The following SNX18 variants were observed in gnomAD, a reference collection of about 807,000 sequenced individuals.
SNX18 encodes the protein sorting nexin-18.
In SNX18, 35 loss-of-function variants were observed where a neutral mutation model predicts 48.7. The ratio of observed to expected loss-of-function variants is 0.72; its 90% confidence interval spans 0.55 to 0.95. SNX18 has a LOEUF of 0.95. Ranked by LOEUF, SNX18 falls within the 40% of genes least tolerant of loss-of-function variation. SNX18 has a pLI of 0.00. For missense variants in SNX18, 824 were observed against 871.0 expected (o/e 0.95, Z 0.68); for synonymous variants, 492 against 384.7 (o/e 1.28, Z -3.26).
chr5:54,614,047 T>C, the SNX18 span, among the ~76,000 whole-genome samples: 5 of 152,202 alleles, frequency 3.3e-5, no homozygotes, highest in Non-Finnish European at 5.9e-5. Flanking sequence ...GATAAGAATA[T>C]GGTTGGGATA....
At chr5:54,589,019 C>T in the SNX18 span, among the ~76,000 whole-genome samples, 77,987 of 151,890 alleles carry the variant, frequency 0.51, 20,092 homozygotes, top group East Asian at 0.61. Context: ...TGTCTTTAAA[C>T]CACTATGATT....
the SNX18 span, among the ~76,000 whole-genome samples, chr5:54,561,549 A>T: frequency 2.1e-5 from 3 of 143,486 alleles, no homozygotes; most frequent in African/African-American, 7.9e-5. Flanking sequence ...CATGTTAGCC[A>T]GGCTGGTCTA....
At chr5:54,621,703 A>G in the SNX18 span, among the ~76,000 whole-genome samples, 53 of 152,322 alleles carry the variant, frequency 3.5e-4, no homozygotes, top group South Asian at 4.1e-4. Context: ...TCACTCAGGT[A>G]TCAGAGAAGG....
the SNX18 span, among the ~76,000 whole-genome samples, chr5:54,633,584 A>G: frequency 6.6e-6 from 1 of 152,332 alleles, no homozygotes; most frequent in South Asian, 2.1e-4. Flanking sequence ...CCTGTGTCTC[A>G]GTTTCTCCAT....
At chr5:54,587,560 G>A in the SNX18 span, among the ~76,000 whole-genome samples, 2 of 152,206 alleles carry the variant, frequency 1.3e-5, no homozygotes, top group East Asian at 3.9e-4. Context: ...TCTCTCCGTG[G>A]TGCCCAATTA....
chr5:54,538,384 G>A (rs2111584184), intron 1 of SNX18, among the ~76,000 whole-genome samples: 1 of 152,282 alleles, frequency 6.6e-6, no homozygotes, highest in Admixed American at 6.5e-5. Flanking sequence ...GTCCCCAAGT[G>A]TTAAACACTC....
At chr5:54,601,750 C>T in the SNX18 span, among the ~76,000 whole-genome samples, 1 of 152,150 alleles carries the variant, frequency 6.6e-6, no homozygotes, top group Non-Finnish European at 1.5e-5. Flanking sequence ...TTCTCTCTTA[C>T]TCTACTCAGT....
the SNX18 span, among the ~76,000 whole-genome samples, chr5:54,635,955 T>A: frequency 6.6e-6 from 1 of 152,164 alleles, no homozygotes; most frequent in Non-Finnish European, 1.5e-5. Context: ...CCTGAGCTCA[T>A]CAGGAGTGAC....
the SNX18 span, among the ~76,000 whole-genome samples, chr5:54,574,632 G>T: frequency 6.6e-6 from 1 of 152,188 alleles, no homozygotes; most frequent in Admixed American, 6.5e-5. Context: ...CAAACCACAA[G>T]TGACTTGAAC....
downstream of SNX18, among the ~76,000 whole-genome samples, chr5:54,551,287 A>G (rs1375033679): frequency 3.3e-5 from 5 of 152,206 alleles, no homozygotes; most frequent in Non-Finnish European, 1.5e-5. Flanking sequence ...AGAATGTGTA[A>G]TGTAGGCAGT....
chr5:54,543,884 CG>C lies in SNX18; in HGVS notation c.*453del, dbSNP rs1561123175. 1 of 154,968 alleles carries C rather than the reference CG, an allele frequency of 6.5e-6. No homozygotes were observed. The highest frequency in any genetic ancestry group is 1.9e-4 in the East Asian group (1 of 5,270). The allele number at this position is 154,968 out of a possible 1,614,324, so 9.6% of individuals were successfully genotyped here. ...ACAAACTCCAACTAGAGCAGCTATG[CG>C]ACCTTGTGCCTTTAGACTCTTGGTT... is the stretch of plus-strand genomic sequence containing the variant. On this transcript the variant is annotated 3_prime_UTR_variant, in exon 2 of 2. Transcript: ENST00000381410.
At chr5:54,561,504 A>ATTTTTTTTTTTTTTTTTTTTTTTTTT in the SNX18 span, among the ~76,000 whole-genome samples, 1 of 133,008 alleles carries the variant, frequency 7.5e-6, no homozygotes, top group African/African-American at 2.9e-5. Context: ...CGCCCAGCTA[A>ATTTTTTTTTTTTTTTTTTTTTTTTTT]TTTTTTTTTT....
chr5:54,625,019 C>A, the SNX18 span, among the ~76,000 whole-genome samples: 3 of 152,104 alleles, frequency 2.0e-5, no homozygotes, highest in Non-Finnish European at 4.4e-5. Context: ...GAAGAGTGAG[C>A]AATTTCCTTT....
chr5:54,635,515 T>C, the SNX18 span, among the ~76,000 whole-genome samples: 3 of 152,200 alleles, frequency 2.0e-5, no homozygotes, highest in Non-Finnish European at 2.9e-5. Flanking sequence ...CTGGCATTTT[T>C]TTCTTCTTGC....
intron 1 of SNX18, 104 bp downstream of exon 1, chr5:54,519,677 A>G (rs768356516): frequency 1.4e-5 from 22 of 1,614,086 alleles, no homozygotes; most frequent in Admixed American, 3.3e-5. Context: ...CATATTCTAC[A>G]GGTGAGGAAG....
At chr5:54,560,966 T>C in the SNX18 span, among the ~76,000 whole-genome samples, 1 of 152,264 alleles carries the variant, frequency 6.6e-6, no homozygotes, top group South Asian at 2.1e-4. Flanking sequence ...TCTAAGATGT[T>C]ACATTTGATC....
intron 1 of SNX18, among the ~76,000 whole-genome samples, chr5:54,532,353 A>G (rs1283935161): frequency 1.4e-5 from 2 of 139,786 alleles, no homozygotes; most frequent in African/African-American, 2.7e-5. Context: ...GTATGCGTGC[A>G]CATGCCTCAG....
chr5:54,584,118 T>C, the SNX18 span, among the ~76,000 whole-genome samples: 2 of 145,624 alleles, frequency 1.4e-5, no homozygotes, highest in Non-Finnish European at 3.0e-5. Context: ...TGGCACAATC[T>C]CAGCTCATTG....
intron 1 of SNX18, among the ~76,000 whole-genome samples, chr5:54,529,044 A>G (rs1362442961): frequency 1.3e-5 from 2 of 152,146 alleles, no homozygotes; most frequent in Non-Finnish European, 1.5e-5. Context: ...CGGAAGATCA[A>G]ATGGGGTGCC....
Sources: allele counts gnomAD v4.1 joint callset (sites outside exome capture counted in the v4.1 genomes callset), GRCh38; gene constraint gnomAD v4.1.1; transcripts MANE v1.5; gene names NCBI Gene and HGNC (gene_info 2026-07-23, HGNC 2026-07-21).